The following UBE2V1 variants were observed in gnomAD, a reference collection of about 807,000 sequenced individuals.
UBE2V1 encodes ubiquitin conjugating enzyme E2 V1, also known as ubiquitin-conjugating enzyme E2 variant 1.
Under a neutral mutation model 19.6 loss-of-function variants are expected in UBE2V1, and 15 were observed. The ratio of observed to expected loss-of-function variants is 0.77; its 90% confidence interval spans 0.51 to 1.18. UBE2V1 has a LOEUF of 1.18. Among genes scored for constraint, UBE2V1 ranks in the 50% most tolerant of loss-of-function variants. The pLI is 0.00. For synonymous variants in UBE2V1, 60 were observed against 60.7 expected (o/e 0.99, Z 0.05); for missense variants, 125 against 184.8 (o/e 0.68, Z 1.88).
rs199528986 is a variant in UBE2V1 at position 50,082,896 on chromosome 20, A to G, written c.316T>C (p.Ser106Pro). Reference sequence around the variant, plus strand: ...GAATTCTGCCATTTTGCTAGCACTGATATGGCTCTTGGGTCCACCTACAAC... The same window carrying G: ...GAATTCTGCCATTTTGCTAGCACTGGTATGGCTCTTGGGTCCACCTACAAC... ...SNGVVDPRAI[S>P]VLAKWQNSYS... Residue 106 changes from serine to proline, a missense_variant, in exon 4 of 4, where the codon TCA becomes CCA. This residue lies in a region of UBE2V1 where 78 missense variants were observed against 108.8 expected (regional missense o/e 0.72). Transcript: ENST00000371674. The G allele has an allele frequency of 5.0e-5, 80 of 1,609,440 alleles. 2 individuals are homozygous for G. The Admixed American group carries it at 1.3e-3, about 26-fold the overall frequency.
intron 1 of UBE2V1, among the ~76,000 whole-genome samples, chr20:50,102,323 A>T (rs2080053069): frequency 6.6e-6 from 1 of 152,220 alleles, no homozygotes; most frequent in Non-Finnish European, 1.5e-5. Context: ...CCTGTTGAAA[A>T]TTTTTTAAAT....
At chr20:50,113,278 T>C (rs1459433145), upstream of UBE2V1, 2 of 528,772 alleles carry the variant, frequency 3.8e-6, no homozygotes, top group Non-Finnish European at 5.8e-6. Context: ...GGAAGGCTCT[T>C]TTCCTTCCCT....
intron 1 of UBE2V1, among the ~76,000 whole-genome samples, chr20:50,104,935 C>T (rs1221276306): frequency 6.6e-6 from 1 of 152,020 alleles, no homozygotes; most frequent in East Asian, 1.9e-4. Flanking sequence ...CCATGTTGGC[C>T]AGGCTGGTCT....
At chr20:50,099,871 A>ACAAT (rs1164979653) in intron 1 of UBE2V1, among the ~76,000 whole-genome samples, 4 of 152,206 alleles carry the variant, frequency 2.6e-5, no homozygotes, top group Non-Finnish European at 5.9e-5. Context: ...AGAGGCCAAG[A>ACAAT]CAATCGTCTG....
chr20:50,094,308 AT>A (rs2147068922), intron 2 of UBE2V1, among the ~76,000 whole-genome samples: 1 of 142,754 alleles, frequency 7.0e-6, no homozygotes, highest in South Asian at 2.1e-4. Context: ...TATATATAAT[AT>A]ATGTCCATCT....
At chr20:50,096,975 G>C (rs2079664900) in intron 1 of UBE2V1, among the ~76,000 whole-genome samples, 155 bp from the exon 2 acceptor site, 1 of 152,128 alleles carries the variant, frequency 6.6e-6, no homozygotes, top group South Asian at 2.1e-4. Flanking sequence ...TACTTATAAA[G>C]CTATCAGTAT....
At chr20:50,098,113 A>C (rs1285041752) in intron 1 of UBE2V1, among the ~76,000 whole-genome samples, 1 of 152,130 alleles carries the variant, frequency 6.6e-6, no homozygotes, top group East Asian at 1.9e-4. Context: ...TTTTAAATGG[A>C]GGGATAAAGG....
upstream of UBE2V1, among the ~76,000 whole-genome samples, chr20:50,113,993 G>A (rs1388973079): frequency 6.6e-6 from 1 of 152,118 alleles, no homozygotes; most frequent in African/African-American, 2.4e-5. Flanking sequence ...CAAGACAAGA[G>A]CAGCAGAGGA....
rs578177787 is a variant in UBE2V1 at position 50,081,882 on chromosome 20, C to T, written c.*886G>A. 1 of 264,452 alleles carries T rather than the reference C, an allele frequency of 3.8e-6. No individual in the cohort carries two copies. The highest frequency in any genetic ancestry group is 7.1e-6 in the Non-Finnish European group (1 of 140,762). The allele number at this position is 264,452 out of a possible 1,614,324, so 16.4% of individuals were successfully genotyped here. A position where few individuals can be genotyped will look rare whatever the true frequency, so the allele number is the denominator to read the frequency against. ...CTGATGACAGCAGAGGGTGGCAGGGCTGAGGACCCAATATTCATTTCCCAG... is the reference window on the plus strand; with the variant it reads ...CTGATGACAGCAGAGGGTGGCAGGGTTGAGGACCCAATATTCATTTCCCAG... On this transcript the variant is annotated 3_prime_UTR_variant, in exon 4 of 4. Coordinates refer to ENST00000371674, the MANE Select transcript of UBE2V1 (RefSeq NM_001032288.3).
At chr20:50,095,531 T>C (rs2079570232) in intron 2 of UBE2V1, 1 of 152,278 alleles carries the variant, frequency 6.6e-6, no homozygotes, top group Non-Finnish European at 1.5e-5. Flanking sequence ...TGAGTGTTGA[T>C]GACCATCTGA....
At chr20:50,113,061 C>CTG in intron 1 of UBE2V1, 46 bp downstream of exon 1, 3 of 910,084 alleles carry the variant, frequency 3.3e-6, no homozygotes, top group Admixed American at 3.9e-5. Flanking sequence ...GCCCCCGGCC[C>CTG]AAGCCCATGC....
chr20:50,106,620 C>T (rs946758615), intron 1 of UBE2V1, among the ~76,000 whole-genome samples: 20 of 151,870 alleles, frequency 1.3e-4, no homozygotes, highest in Admixed American at 1.2e-3. Flanking sequence ...CACCTGAGGT[C>T]GGGAGTTCGA....
upstream of UBE2V1, chr20:50,115,663 G>A (rs1471714612): frequency 4.7e-6 from 6 of 1,288,440 alleles, no homozygotes; most frequent in Non-Finnish European, 6.0e-6. Flanking sequence ...TTGGGCACAG[G>A]GAAGAGGAAG....
rs372611961 is a variant in UBE2V1 at position 50,090,431 on chromosome 20, G to A, written c.172-6177C>T. 1.6e-3 allele frequency among the ~76,000 whole-genome samples: 235 copies of A among 146,190 alleles called. 1 individual carries two copies. Among genetic ancestry groups the A allele is most frequent in the African/African-American group, 5.8e-3 (225 of 38,918 alleles). On this transcript the variant is annotated intron_variant, in intron 2 of 3. Transcript: ENST00000371674. ...GGGGGCTGCAGTGAGCCGAGATGGCGCCACTGCACTCCAGCCTGGGCAACA... is the reference window on the plus strand; with the variant it reads ...GGGGGCTGCAGTGAGCCGAGATGGCACCACTGCACTCCAGCCTGGGCAACA...
Position 50,096,837 on chromosome 20 carries a change from G to C in UBE2V1, c.23-17C>G. 6.2e-7 allele frequency: 1 copy of C among 1,613,536 alleles called. No homozygotes were observed. The highest frequency in any genetic ancestry group is 1.7e-4 in the Middle Eastern group (1 of 6,056). On this transcript the variant is annotated splice_polypyrimidine_tract_variant and intron_variant, in intron 1 of 3. Coordinates refer to ENST00000371674, the MANE Select transcript of UBE2V1 (RefSeq NM_001032288.3). ...CTTTTACTCCTAAAATAAATGGAAA[G>C]AAATTCAAGATACCAGCAACTCCAG...
At chr20:50,099,096 T>C (rs930334620) in intron 1 of UBE2V1, 11 of 369,260 alleles carry the variant, frequency 3.0e-5, no homozygotes, top group Non-Finnish European at 4.1e-5. Flanking sequence ...GAAAAGTCAC[T>C]ACATTACTAC....
upstream of UBE2V1, among the ~76,000 whole-genome samples, chr20:50,114,641 C>T (rs1464543631): frequency 6.6e-6 from 1 of 152,172 alleles, no homozygotes; most frequent in Non-Finnish European, 1.5e-5. Context: ...AAGCAGGATG[C>T]CTGGACACCC....
intron 2 of UBE2V1, among the ~76,000 whole-genome samples, chr20:50,091,840 C>G (rs1053790200): frequency 2.0e-5 from 3 of 152,176 alleles, no homozygotes; most frequent in Non-Finnish European, 4.4e-5. Context: ...CGTTTGCATA[C>G]CCACAGCAAA....
In UBE2V1 at chr20:50,104,010, G is replaced by A. The variant is rs78528601; in HGVS notation, c.23-7190C>T. 5.5e-3 allele frequency among the ~76,000 whole-genome samples: 829 copies of A among 150,786 alleles called. 3 individuals are homozygous for A. Among genetic ancestry groups the A allele is most frequent in the African/African-American group, 0.019 (787 of 40,392 alleles). On this transcript the variant is annotated intron_variant, in intron 1 of 3. Transcript: ENST00000371674. ...AAGAAATGGCAGTATCAGGCCAGGC[G>A]TGGTGGCTCATGCCTGTAATCCCAG... is the stretch of plus-strand genomic sequence containing the variant.
Sources: allele counts gnomAD v4.1 joint callset (sites outside exome capture counted in the v4.1 genomes callset), GRCh38; gene constraint gnomAD v4.1.1; regional missense constraint gnomAD v4.1.1; transcripts MANE v1.5; gene names NCBI Gene and HGNC (gene_info 2026-07-23, HGNC 2026-07-21).